Variants in NCDN observed in about 807,000 individuals in gnomAD.
NCDN encodes the protein norbin.
Under a neutral mutation model 60.7 loss-of-function variants are expected in NCDN, and 9 were observed. The ratio of observed to expected loss-of-function variants is 0.15; its 90% CI spans 0.09 to 0.26. The LOEUF (loss-of-function observed/expected upper bound fraction) is 0.26. NCDN is among the 10% of genes least tolerant of loss of function. The pLI, the probability that NCDN is intolerant of heterozygous loss-of-function variation, is 1.00. For missense variants in NCDN, 578 were observed against 975.2 expected (o/e 0.59, Z 5.42); for synonymous variants, 409 against 442.5 (o/e 0.92, Z 0.95).
Position 35,562,598 on chromosome 1 carries a change from C to T in NCDN, c.1350C>T (p.Thr450=). The change falls in exon 4 of 7, where the codon ACC becomes ACT. Residue 450 remains threonine, a synonymous_variant. Transcript: ENST00000373243. This position sits in a 1 kb window ranked among gnomAD's most constrained non-coding sequence, Gnocchi z 6.8. ...QQVANLAISP[T]TPGPTWPGDA... is the part of the protein sequence containing the mutation. Reference sequence around the variant, plus strand: ...TGGCCAACCTGGCCATCTCCCCCACCACCCCAGGGCCCACCTGGCCAGGAG... The same window carrying T: ...TGGCCAACCTGGCCATCTCCCCCACTACCCCAGGGCCCACCTGGCCAGGAG... 1.2e-6 allele frequency: 2 copies of T among 1,613,948 alleles called. No individual in the cohort carries two copies. The highest frequency in any genetic ancestry group is 1.7e-6 in the Non-Finnish European group (2 of 1,179,914).
At chr1:35,559,784 C>A (rs2148537053) in intron 2 of NCDN, among the ~76,000 whole-genome samples, 1 of 152,096 alleles carries the variant, frequency 6.6e-6, no homozygotes, top group Non-Finnish European at 1.5e-5. Context: ...AGTACAGCCG[C>A]TGCTTGTTTG....
chr1:35,565,583 G>T lies in NCDN; in HGVS notation c.2110G>T (p.Ala704Ser). ...GCGGGCCAACCGGCTGTGCCGGGAG[G>T]CCATGAGGCTGCAGGCGGGCGAGGA... ...LARANRLCRE[A>S]MRLQAGEETA... The change falls in exon 7 of 7, where the codon GCC becomes TCC. Residue 704 changes from alanine (A) to serine (S), a missense_variant. Ala to Ser is a moderately conservative substitution (Grantham distance 99, BLOSUM62 1). Around this residue, in one of 3 missense-constraint regions of NCDN, gnomAD observed 191 missense variants for 372.1 expected, o/e 0.51. Transcript: ENST00000373243. This position sits in a 1 kb window ranked among gnomAD's most constrained non-coding sequence, Gnocchi z 8.9. 1 of 1,565,610 alleles carries T rather than the reference G, an allele frequency of 6.4e-7. No homozygotes were observed. Among genetic ancestry groups the T allele is most frequent in the Non-Finnish European group, 8.6e-7 (1 of 1,160,120 alleles).
chr1:35,558,217 G>A lies in NCDN; in HGVS notation c.27G>A (p.Ala9=). The A allele has an allele frequency of 6.2e-7, 1 of 1,614,006 alleles. No individual in the cohort carries two copies. Among genetic ancestry groups the A allele is most frequent in the Non-Finnish European group, 8.5e-7 (1 of 1,179,998 alleles). Residue 9 remains alanine (A), a synonymous_variant, in exon 1 of 7, where the codon GCG becomes GCA. Transcript: ENST00000373243. The surrounding 1 kb of genome is among the most constrained non-coding windows in gnomAD (Gnocchi z 6.3). ...TGTCGTGTTGTGACCTGGCTGCGGC[G>A]GGACAGGTGGTGACCGCCAGGAACC... MSCCDLAA[A]GQLGKASIMA...
Position 35,560,819 on chromosome 1 carries a change from G to A in NCDN, c.668G>A (p.Arg223Gln), listed in dbSNP as rs372420726. 4 of 1,613,954 alleles carry A rather than the reference G, an allele frequency of 2.5e-6. No individual in the cohort carries two copies. The highest frequency in any genetic ancestry group is 2.2e-5 in the East Asian group (1 of 44,878). ...GAGCCCGACCTGCTGGCCGTGTTGCGGGGCCTCAGTGAGGATTTCCAGAAA... is the reference window on the plus strand; with the variant it reads ...GAGCCCGACCTGCTGGCCGTGTTGCAGGGCCTCAGTGAGGATTTCCAGAAA... ...EAEPDLLAVL[R>Q]GLSEDFQKAE... Residue 223 changes from arginine (R) to glutamine (Q), a missense_variant, in exon 3 of 7, where the codon CGG becomes CAG. Arg to Gln is a conservative substitution (Grantham distance 43). Transcript: ENST00000373243. This position sits in a 1 kb window ranked among gnomAD's most constrained non-coding sequence, Gnocchi z 7.6.
chr1:35,565,504 C>T lies in NCDN; in HGVS notation c.2031C>T (p.Asn677=), dbSNP rs1421173111. 2 of 1,585,598 alleles carry T rather than the reference C, an allele frequency of 1.3e-6. No homozygotes were observed. The highest frequency in any genetic ancestry group is 1.7e-6 in the Non-Finnish European group (2 of 1,166,244). Residue 677 remains asparagine, a synonymous_variant, in exon 7 of 7, where the codon AAC becomes AAT. Coordinates refer to ENST00000373243, the MANE Select transcript of NCDN (RefSeq NM_014284.3). This position sits in a 1 kb window ranked among gnomAD's most constrained non-coding sequence, Gnocchi z 8.9. ...AGCTGCTAGGCAGTGTCAGCCCCAA[C>T]TCTGTCAAGCCCGAGATGGTGGCCG... ...LLQLLGSVSP[N]SVKPEMVAAY...
rs1230000404 is a variant in NCDN, at chr1:35,561,600, C to A, written c.1143+306C>A. Among the ~76,000 whole-genome samples, 1 of 152,162 alleles carries A rather than the reference C, an allele frequency of 6.6e-6. No homozygotes were observed. Among genetic ancestry groups the A allele is most frequent in the Non-Finnish European group, 1.5e-5 (1 of 68,032 alleles). ...CAATACACACACACTACACGCCACA[C>A]ACCTCTCCCCAACACATGCACACAA... On this transcript the variant is annotated intron_variant, in intron 3 of 6. Coordinates refer to ENST00000373243, the MANE Select transcript of NCDN (RefSeq NM_014284.3). The surrounding 1 kb of genome is among the most constrained non-coding windows in gnomAD (Gnocchi z 4.9).
Position 35,558,491 on chromosome 1 carries a change from A to G in NCDN, c.33+268A>G. On this transcript the variant is annotated intron_variant, in intron 1 of 6. Transcript: ENST00000373243. The surrounding 1 kb of genome is among the most constrained non-coding windows in gnomAD (Gnocchi z 6.3). Reference sequence around the variant, plus strand: ...GGGAGGGAAAGGAGAGGAGGCAAGGAGCCTGCGGGGGCGACTGAGAGCCCT... The same window carrying G: ...GGGAGGGAAAGGAGAGGAGGCAAGGGGCCTGCGGGGGCGACTGAGAGCCCT... 1 of 1,394,052 alleles carries G rather than the reference A, an allele frequency of 7.2e-7. No homozygotes were observed. The highest frequency in any genetic ancestry group is 9.3e-7 in the Non-Finnish European group (1 of 1,076,540). The allele number at this position is 1,394,052 out of a possible 1,614,324, so 86.4% of individuals were successfully genotyped here.
rs1311444963 is a variant in NCDN at position 35,557,925 on chromosome 1, G to C, written c.-266G>C. The C allele has an allele frequency of 3.2e-6, 2 of 624,130 alleles. No homozygotes were observed. Among genetic ancestry groups the C allele is most frequent in the Non-Finnish European group, 2.9e-6 (1 of 350,188 alleles). 38.7% of individuals were successfully genotyped at this position (624,130 alleles called of 1,614,324 possible). A position where few individuals can be genotyped will look rare whatever the true frequency, so the allele number is the denominator to read the frequency against. On this transcript the variant is annotated 5_prime_UTR_variant, in exon 1 of 7. Coordinates refer to ENST00000373243, the MANE Select transcript of NCDN (RefSeq NM_014284.3). Reference sequence around the variant, plus strand: ...TCGGGCCCTCCCCTGCATCCCAGCCGGGGCCTCTCCGAGCCGGCGCTGATC... The same window carrying C: ...TCGGGCCCTCCCCTGCATCCCAGCCCGGGCCTCTCCGAGCCGGCGCTGATC...
At chr1:35,559,681 A>T (rs1012407664) in intron 2 of NCDN, among the ~76,000 whole-genome samples, 2 of 145,064 alleles carry the variant, frequency 1.4e-5, no homozygotes, top group Non-Finnish European at 3.0e-5. Context: ...TTTGGGGCTT[A>T]GCCTTTTTGG....
In NCDN at chr1:35,565,355, G is replaced by A. The variant is rs1648837420; in HGVS notation, c.1882G>A (p.Gly628Ser). The change falls in exon 7 of 7, where the codon GGC (glycine) becomes AGC (serine). Residue 628 changes from glycine (G) to serine (S), a missense_variant. Gly to Ser is a moderately conservative substitution (Grantham distance 56). Coordinates refer to ENST00000373243, the MANE Select transcript of NCDN (RefSeq NM_014284.3). This position sits in a 1 kb window ranked among gnomAD's most constrained non-coding sequence, Gnocchi z 8.9. ...AVLALSPEYE[G>S]IWADLQELWF... The stretch of plus-strand genomic sequence containing the variant: ...GCTAGCCCTGTCCCCTGAGTATGAG[G>A]GCATCTGGGCCGACCTGCAGGAGCT... The A allele has an allele frequency of 6.2e-7, 1 of 1,613,672 alleles. No individual in the cohort carries two copies. The highest frequency in any genetic ancestry group is 1.7e-5 in the Admixed American group (1 of 60,000).
At position 35,562,348 on chromosome 1, in the gene NCDN, G is replaced by T. The variant is rs1244267977; in HGVS notation, c.1144-44G>T. On this transcript the variant is annotated intron_variant, in intron 3 of 6. Transcript: ENST00000373243. This position sits in a 1 kb window ranked among gnomAD's most constrained non-coding sequence, Gnocchi z 6.8. ...GGCTGGCCTCTGGCAAGGCAGGGAG[G>T]GTCCCTGGTCCTGCTCCATCTCAAG... The T allele has an allele frequency of 6.3e-7, 1 of 1,594,206 alleles. No homozygotes were observed. The highest frequency in any genetic ancestry group is 8.6e-7 in the Non-Finnish European group (1 of 1,167,942).
chr1:35,563,091 G>C lies in NCDN; in HGVS notation c.1386-111G>C, dbSNP rs1648756478. Reference sequence around the variant, plus strand: ...CTTTTTCTGTGGTACCTGCGAGGATGTGTCCTTCTCCCCTACTTCCATTTC... The same window carrying C: ...CTTTTTCTGTGGTACCTGCGAGGATCTGTCCTTCTCCCCTACTTCCATTTC... On this transcript the variant is annotated intron_variant, in intron 4 of 6. Transcript: ENST00000373243. The surrounding 1 kb of genome is among the most constrained non-coding windows in gnomAD (Gnocchi z 6.6). 3 of 1,005,530 alleles carry C rather than the reference G, an allele frequency of 3.0e-6. No homozygotes were observed. The highest frequency in any genetic ancestry group is 4.3e-6 in the Non-Finnish European group (3 of 701,182). The allele number at this position is 1,005,530 out of a possible 1,614,324, so 62.3% of individuals were successfully genotyped here.
rs114784860 is a variant in NCDN, at chr1:35,557,823, G to T, written c.-368G>T. The T allele has an allele frequency of 3.7e-6, 2 of 534,536 alleles. No individual in the cohort carries two copies. The highest frequency in any genetic ancestry group is 7.2e-6 in the Non-Finnish European group (2 of 278,698). 33.1% of individuals were successfully genotyped at this position (534,536 alleles called of 1,614,324 possible). On this transcript the variant is annotated 5_prime_UTR_variant, in exon 1 of 7. Transcript: ENST00000373243. ...GAGTGGGCAACGCGGCGTGAGCAGCGGCCCGAGGCTCCCGGAGCATCGCGC... is the reference window on the plus strand; with the variant it reads ...GAGTGGGCAACGCGGCGTGAGCAGCTGCCCGAGGCTCCCGGAGCATCGCGC...
chr1:35,560,570 G>C lies in NCDN; in HGVS notation c.419G>C (p.Arg140Pro), dbSNP rs200578072. The change falls in exon 3 of 7, where the codon CGG becomes CCG. Residue 140 changes from arginine (R) to proline (P), a missense_variant. Physicochemically the swap from Arg to Pro is moderately radical, Grantham distance 103. Coordinates refer to ENST00000373243, the MANE Select transcript of NCDN (RefSeq NM_014284.3). This position sits in a 1 kb window ranked among gnomAD's most constrained non-coding sequence, Gnocchi z 7.6. ...ATTCTTAGCACCTTCCTCACAGCCC[G>C]GGGGGACCCGGACGATGCTGCCCGC... Reference protein sequence around the residue: ...IPILSTFLTARGDPDDAARRS... With the variant: ...IPILSTFLTAPGDPDDAARRS... 10 of 1,613,204 alleles carry C rather than the reference G, an allele frequency of 6.2e-6. No individual in the cohort carries two copies. Among genetic ancestry groups the C allele is most frequent in the South Asian group, 4.4e-5 (4 of 91,084 alleles).
chr1:35,559,740 G>T (rs1279885316), intron 2 of NCDN, among the ~76,000 whole-genome samples: 1 of 139,526 alleles, frequency 7.2e-6, no homozygotes, highest in Admixed American at 7.1e-5. Flanking sequence ...TGCTAGGAAG[G>T]GGGGGTTGTG....
Position 35,562,778 on chromosome 1 carries a change from G to T in NCDN, c.1385+145G>T. 8.0e-7 allele frequency: 1 copy of T among 1,247,974 alleles called. No individual in the cohort carries two copies. The highest frequency in any genetic ancestry group is 1.1e-6 in the Non-Finnish European group (1 of 930,220). The allele number at this position is 1,247,974 out of a possible 1,614,324, so 77.3% of individuals were successfully genotyped here. A position where few individuals can be genotyped will look rare whatever the true frequency, so the allele number is the denominator to read the frequency against. On this transcript the variant is annotated intron_variant, in intron 4 of 6. Coordinates refer to ENST00000373243, the MANE Select transcript of NCDN (RefSeq NM_014284.3). The surrounding 1 kb of genome is among the most constrained non-coding windows in gnomAD (Gnocchi z 6.8). ...CTTAGGGTTATTTCTGTTTTGGGGG[G>T]CTTGTTCCCACAGGACTCCTCGGCT...
At position 35,565,631 on chromosome 1, in the gene NCDN, G is replaced by A. The variant is rs760660286; in HGVS notation, c.2158G>A (p.Ala720Thr). 4 of 1,560,292 alleles carry A rather than the reference G, an allele frequency of 2.6e-6. No homozygotes were observed. The East Asian group carries it at 7.0e-5, about 27-fold the overall frequency. The change falls in exon 7 of 7, where the codon GCT (alanine) becomes ACT (threonine). Residue 720 changes from alanine (A) to threonine (T), a missense_variant. Ala to Thr is a moderately conservative substitution (Grantham distance 58). Transcript: ENST00000373243. This position sits in a 1 kb window ranked among gnomAD's most constrained non-coding sequence, Gnocchi z 8.9. ...GEETASHYRMAALEQCLSEP is the reference protein window; with the variant it reads ...GEETASHYRMTALEQCLSEP ...GGAGACGGCCAGCCACTACCGCATG[G>A]CTGCCTTGGAGCAGTGCCTGTCAGA... is the stretch of plus-strand genomic sequence containing the variant.
intron 2 of NCDN, among the ~76,000 whole-genome samples, chr1:35,559,484 G>C (rs151270349): frequency 6.6e-6 from 1 of 152,264 alleles, no homozygotes; most frequent in Non-Finnish European, 1.5e-5. Context: ...CTGTTTTCTG[G>C]GGCGTCCCAG....
Position 35,562,711 on chromosome 1 carries a change from A to C in NCDN, c.1385+78A>C. On this transcript the variant is annotated intron_variant, in intron 4 of 6. Coordinates refer to ENST00000373243, the MANE Select transcript of NCDN (RefSeq NM_014284.3). The surrounding 1 kb of genome is among the most constrained non-coding windows in gnomAD (Gnocchi z 6.8). ...AACACAAGGACACCCCTCCCCACAAACTGAGCTGTGCCAGGCTTCCTGATT... is the reference window on the plus strand; with the variant it reads ...AACACAAGGACACCCCTCCCCACAACCTGAGCTGTGCCAGGCTTCCTGATT... 3 of 1,501,756 alleles carry C rather than the reference A, an allele frequency of 2.0e-6. No homozygotes were observed. The highest frequency in any genetic ancestry group is 2.7e-6 in the Non-Finnish European group (3 of 1,117,956). The allele number at this position is 1,501,756 out of a possible 1,614,324, so 93.0% of individuals were successfully genotyped here. A position where few individuals can be genotyped will look rare whatever the true frequency, so the allele number is the denominator to read the frequency against.
Sources: gnomAD v4.1 joint callset for allele counts (sites outside exome capture counted in the v4.1 genomes callset) on GRCh38, gnomAD v4.1.1 for gene constraint, gnomAD v4.1.1 regional missense constraint, Gnocchi (gnomAD v3.1) non-coding constraint, MANE v1.5 for transcripts, NCBI Gene and HGNC (gene_info 2026-07-23, HGNC 2026-07-21) for gene names.